STK3: variants seen among roughly 807,000 people sequenced by gnomAD.
The protein encoded by STK3 is serine/threonine kinase 3.
Under a neutral mutation model 58.0 loss-of-function variants are expected in STK3, and 41 were observed. The observed-to-expected ratio is 0.71, with a 90% CI of 0.55 to 0.92. The LOEUF (loss-of-function observed/expected upper bound fraction) is 0.92. STK3 is among the 40% of genes least tolerant of loss of function. The pLI, the probability that STK3 is intolerant of heterozygous loss-of-function variation, is 0.00. For missense variants in STK3, 479 were observed against 602.7 expected (o/e 0.79, Z 2.15); for synonymous variants, 170 against 191.0 (o/e 0.89, Z 0.91).
chr8:98,393,509 C>A (rs1171999049), intron 3 of STK3: 1 of 152,206 alleles, frequency 6.6e-6, no homozygotes, highest in East Asian at 2.0e-4. Flanking sequence ...GTAATAAGGC[C>A]AATAGAATCA....
At chr8:98,820,627 T>C (rs887717631) in intron 1 of STK3, among the ~76,000 whole-genome samples, 11 of 152,158 alleles carry the variant, frequency 7.2e-5, no homozygotes, top group African/African-American at 2.7e-4. Flanking sequence ...TTTCTACCTA[T>C]CAAAGCTGGA....
intron 1 of STK3, among the ~76,000 whole-genome samples, chr8:98,934,651 C>T (rs1489200105): frequency 1.3e-5 from 2 of 152,252 alleles, no homozygotes; most frequent in Non-Finnish European, 2.9e-5. Flanking sequence ...CACGGTGACT[C>T]ATACCTGTAA....
downstream of STK3, among the ~76,000 whole-genome samples, chr8:98,399,242 C>G (rs1817922282): frequency 1.3e-5 from 2 of 152,162 alleles, no homozygotes; most frequent in African/African-American, 4.8e-5. Flanking sequence ...ACTCAACAAA[C>G]AGATCAGCCT....
At chr8:98,732,582 G>A (rs983300847) in intron 4 of STK3, among the ~76,000 whole-genome samples, 2 of 152,124 alleles carry the variant, frequency 1.3e-5, no homozygotes, top group African/African-American at 4.8e-5. Flanking sequence ...CCTTATTCTT[G>A]TATCATGAAG....
At chr8:98,396,482 G>T (rs1170540786), downstream of STK3, among the ~76,000 whole-genome samples, 3 of 152,290 alleles carry the variant, frequency 2.0e-5, no homozygotes, top group East Asian at 5.8e-4. Flanking sequence ...GCCATGGCTT[G>T]GGAGGAGGCA....
intron 10 of STK3, among the ~76,000 whole-genome samples, chr8:98,515,534 A>G (rs1824862871): frequency 6.6e-6 from 1 of 152,146 alleles, no homozygotes; most frequent in South Asian, 2.1e-4. Flanking sequence ...ATTCAGTGCT[A>G]TGATTTATGC....
At chr8:98,405,211 C>T (rs1219511153) in intron 3 of STK3, among the ~76,000 whole-genome samples, 2 of 152,290 alleles carry the variant, frequency 1.3e-5, no homozygotes, top group African/African-American at 4.8e-5. Flanking sequence ...GTCTACTAAT[C>T]CCCATAACCT....
downstream of STK3, among the ~76,000 whole-genome samples, chr8:98,370,342 A>AGTGTGTGTGTGTGT (rs35062643): frequency 3.3e-4 from 46 of 138,622 alleles, no homozygotes; most frequent in Admixed American, 4.3e-4. Context: ...TGACCTCTGC[A>AGTGTGTGTGTGTGT]GTGTGTGTGT....
At chr8:98,749,690 G>C (rs1342482776) in intron 3 of STK3, among the ~76,000 whole-genome samples, 1 of 151,964 alleles carries the variant, frequency 6.6e-6, no homozygotes, top group South Asian at 2.1e-4. Context: ...AGGAACAAAT[G>C]AAAATTTTTC....
At chr8:98,470,319 T>A (rs1820822982) in intron 10 of STK3, among the ~76,000 whole-genome samples, 1 of 152,186 alleles carries the variant, frequency 6.6e-6, no homozygotes, top group African/African-American at 2.4e-5. Flanking sequence ...CTGCTACAGT[T>A]CTCTTAACCA....
intron 3 of STK3, among the ~76,000 whole-genome samples, chr8:98,749,655 G>A (rs1829850935): frequency 6.6e-6 from 1 of 151,856 alleles, no homozygotes; most frequent in African/African-American, 2.4e-5. Context: ...ACTTCATTTT[G>A]GCAAAGAACT....
intron 2 of STK3, among the ~76,000 whole-genome samples, chr8:98,375,199 G>A (rs1262325501): frequency 6.7e-6 from 1 of 150,268 alleles, no homozygotes; most frequent in Non-Finnish European, 1.5e-5. Context: ...AGGCTGCAGT[G>A]AGCCATTATC....
intron 8 of STK3, among the ~76,000 whole-genome samples, chr8:98,565,631 C>A (rs921750553): frequency 6.6e-6 from 1 of 152,098 alleles, no homozygotes; most frequent in Non-Finnish European, 1.5e-5. Context: ...ATGGCAGAGA[C>A]AATTCCCATA....
intron 2 of STK3, among the ~76,000 whole-genome samples, chr8:98,771,393 G>T (rs1198098767): frequency 6.6e-6 from 1 of 152,146 alleles, no homozygotes; most frequent in Non-Finnish European, 1.5e-5. Context: ...TAAATAATAT[G>T]CTATGAGTTG....
intron 1 of STK3, among the ~76,000 whole-genome samples, chr8:98,822,334 A>C (rs757167393): frequency 6.6e-6 from 1 of 151,742 alleles, no homozygotes; most frequent in African/African-American, 2.4e-5. Flanking sequence ...TCTTTGAGAC[A>C]GGGTCTCACT....
chr8:98,923,862 CGCGCGCGCGCGCGCGT>C (rs1033946832), intron 1 of STK3, among the ~76,000 whole-genome samples: 2 of 122,782 alleles, frequency 1.6e-5, no homozygotes, highest in African/African-American at 6.6e-5. Context: ...TGTGCGCGCG[CGCGCGCGCGCGCGCGT>C]TGACAATGAT....
chr8:98,849,287 CTG>C (rs36025729), intron 3 of STK3, among the ~76,000 whole-genome samples: 2,334 of 151,432 alleles, frequency 0.015, 19 homozygotes, highest in Middle Eastern at 0.045. Flanking sequence ...ATTCCAATAT[CTG>C]TATATTTTCT....
At chr8:98,884,993 G>A (rs1283390221) in intron 1 of STK3, among the ~76,000 whole-genome samples, 2 of 152,228 alleles carry the variant, frequency 1.3e-5, no homozygotes, top group Non-Finnish European at 2.9e-5. Context: ...GGTTCCCCGT[G>A]TGGTTGGGCA....
intron 6 of STK3, among the ~76,000 whole-genome samples, chr8:98,660,043 G>T (rs1349062803): frequency 6.6e-6 from 1 of 151,566 alleles, no homozygotes; most frequent in African/African-American, 2.4e-5. Context: ...GACGATGAAT[G>T]GATAAACAAA....
Sources: allele counts gnomAD v4.1 joint callset (sites outside exome capture counted in the v4.1 genomes callset), GRCh38; gene constraint gnomAD v4.1.1; transcripts MANE v1.5; gene names NCBI Gene and HGNC (gene_info 2026-07-23, HGNC 2026-07-21).